Variants in BRD3 observed in about 807,000 individuals in gnomAD.
BRD3 encodes the protein bromodomain containing 3.
A neutral mutation model predicts 66.8 loss-of-function variants in BRD3; 17 were observed. The ratio of observed to expected loss-of-function variants is 0.25; its 90% CI spans 0.17 to 0.38. The LOEUF (loss-of-function observed/expected upper bound fraction) is 0.38. BRD3 is among the 10% of genes least tolerant of loss of function. The pLI, the probability that BRD3 is intolerant of heterozygous loss-of-function variation, is 1.00. For missense variants in BRD3, 713 were observed against 956.1 expected (o/e 0.75, Z 3.35); for synonymous variants, 421 against 393.2 (o/e 1.07, Z -0.84).
At chr9:134,036,747 G>A (rs144007232) in intron 9 of BRD3, among the ~76,000 whole-genome samples, 3,950 of 152,136 alleles carry the variant, frequency 0.026, 57 homozygotes, top group Middle Eastern at 0.061. Context: ...GGTGGCTCAC[G>A]CCTGTAATCC....
chr9:134,034,802 T>C lies in BRD3; in HGVS notation c.1964A>G (p.Lys655Arg), dbSNP rs149702159. The C allele has an allele frequency of 2.3e-3, 3,735 of 1,612,390 alleles. 12 individuals are homozygous for C. Among genetic ancestry groups the C allele is most frequent in the Non-Finnish European group, 2.8e-3 (3,259 of 1,180,004 alleles). The change falls in exon 11 of 12, where the codon AAG becomes AGG. Residue 655 changes from lysine (K) to arginine (R), a missense_variant. Lys to Arg is a conservative substitution (Grantham distance 26). Transcript: ENST00000303407. ...TTCCTGAGCTAGCTCCTCTTTCGAC[T>C]TGGCTGCCTGTTTCTTCCCGCTTGC... ...FSASGKKQAA[K>R]SKEELAQEKK...
At chr9:134,062,374 G>T (rs1023355300) in intron 1 of BRD3, among the ~76,000 whole-genome samples, 12 of 152,138 alleles carry the variant, frequency 7.9e-5, no homozygotes, top group Non-Finnish European at 1.5e-4. Context: ...AGGTGCAGCT[G>T]CCAGCGCTGC....
intron 1 of BRD3, among the ~76,000 whole-genome samples, chr9:134,067,351 G>GC (rs1397543153): frequency 4.6e-5 from 7 of 151,324 alleles, no homozygotes; most frequent in Non-Finnish European, 1.0e-4. Context: ...GCCCGGCCTT[G>GC]CCCCCCGCCC....
At position 134,051,616 on chromosome 9, in the gene BRD3, G is replaced by C. The variant is rs202111048; in HGVS notation, c.445C>G (p.Pro149Ala). The change falls in exon 4 of 12, where the codon CCC becomes GCC. Residue 149 changes from proline to alanine, a missense_variant. This residue lies in a region of BRD3 where 120 missense variants were observed against 122.8 expected (regional missense o/e 0.98). Transcript: ENST00000303407. ...QMPQEEVELL[P>A]PAPKGKGRKP... ...CGACCTTTGCCCTTTGGAGCAGGGG[G>C]TAATAATTCAACTTCCTCTTGGGGC... The C allele has an allele frequency of 5.0e-6, 8 of 1,585,508 alleles. No individual in the cohort carries two copies. In the South Asian group the frequency reaches 8.2e-5, roughly 16 times the overall value.
intron 9 of BRD3, among the ~76,000 whole-genome samples, chr9:134,038,942 AAGG>A (rs1461323450): frequency 1.3e-5 from 2 of 152,186 alleles, no homozygotes; most frequent in African/African-American, 4.8e-5. Context: ...TGCCTCCAAA[AAGG>A]AGAGAGGGAG....
chr9:134,054,892 A>T (rs28582206), intron 1 of BRD3, among the ~76,000 whole-genome samples: 8,014 of 152,108 alleles, frequency 0.053, 622 homozygotes, highest in African/African-American at 0.17. Flanking sequence ...CACCCCAGAG[A>T]GGAAAGGGCT....
At position 134,031,640 on chromosome 9, in the gene BRD3, C is replaced by A. The variant is rs1398897239; in HGVS notation, c.*1950G>T. 3.3e-5 allele frequency: 7 copies of A among 214,050 alleles called. No individual in the cohort carries two copies. The highest frequency in any genetic ancestry group is 6.6e-5 in the Non-Finnish European group (7 of 106,070). 13.3% of individuals were successfully genotyped at this position (214,050 alleles called of 1,614,324 possible). On this transcript the variant is annotated 3_prime_UTR_variant, in exon 12 of 12. Coordinates refer to ENST00000303407, the MANE Select transcript of BRD3 (RefSeq NM_007371.4). ...CAGCAATTTAAAAAATGATAATTTA[C>A]CAGCATCTCCTCATCAGAGTTCCCT...
At chr9:134,058,381 G>A (rs1345537946) in intron 1 of BRD3, 1 of 152,290 alleles carries the variant, frequency 6.6e-6, no homozygotes, top group Non-Finnish European at 1.5e-5. Context: ...AGGTAACATT[G>A]GGAGTGTGGC....
At chr9:134,066,272 G>A (rs970324689) in intron 1 of BRD3, among the ~76,000 whole-genome samples, 1 of 152,154 alleles carries the variant, frequency 6.6e-6, no homozygotes, top group Non-Finnish European at 1.5e-5. Flanking sequence ...AGCCCGTCCT[G>A]TTACAGCGTG....
intron 11 of BRD3, among the ~76,000 whole-genome samples, chr9:134,034,181 C>G (rs544891886): frequency 1.3e-5 from 2 of 152,242 alleles, no homozygotes; most frequent in East Asian, 1.9e-4. Flanking sequence ...ACTGTCCCCC[C>G]CATATGTGTG....
At chr9:134,041,439 G>T (rs1437433811) in intron 8 of BRD3, among the ~76,000 whole-genome samples, 1 of 152,172 alleles carries the variant, frequency 6.6e-6, no homozygotes, top group African/African-American at 2.4e-5. Flanking sequence ...TGTGGCCTCT[G>T]CAAGTGCCTC....
chr9:134,036,567 A>G, intron 9 of BRD3: 1 of 1,611,098 alleles, frequency 6.2e-7, no homozygotes, highest in Non-Finnish European at 8.5e-7. Flanking sequence ...AGGCGTCTCA[A>G]ACTCCACAGG....
chr9:134,066,532 G>C (rs528134499), intron 1 of BRD3, among the ~76,000 whole-genome samples: 2 of 149,924 alleles, frequency 1.3e-5, no homozygotes, highest in East Asian at 3.9e-4. Flanking sequence ...TAGATTCCAG[G>C]ATCTCCCCAG....
chr9:134,052,501 T>G, intron 2 of BRD3, 58 bp from the exon 3 acceptor site: 1 of 1,555,302 alleles, frequency 6.4e-7, no homozygotes, highest in Non-Finnish European at 8.7e-7. Flanking sequence ...ATTTTCACAA[T>G]TCCCAAGTGG....
chr9:134,066,807 C>G (rs1479515111), intron 1 of BRD3, among the ~76,000 whole-genome samples: 1 of 152,176 alleles, frequency 6.6e-6, no homozygotes, highest in African/African-American at 2.4e-5. Context: ...GGGAGAAATC[C>G]CAGTATCTAT....
chr9:134,032,206 T>C lies in BRD3; in HGVS notation c.*1384A>G. 1 of 214,680 alleles carries C rather than the reference T, an allele frequency of 4.7e-6. No homozygotes were observed. The highest frequency in any genetic ancestry group is 2.3e-5 in the African/African-American group (1 of 44,296). 13.3% of individuals were successfully genotyped at this position (214,680 alleles called of 1,614,324 possible). A position where few individuals can be genotyped will look rare whatever the true frequency, so the allele number is the denominator to read the frequency against. On this transcript the variant is annotated 3_prime_UTR_variant, in exon 12 of 12. Coordinates refer to ENST00000303407, the MANE Select transcript of BRD3 (RefSeq NM_007371.4). ...CAAAACATCACCTTCTATTAAACTC[T>C]GTATATTATTATTTTTTACAATAGA...
chr9:134,058,246 T>G (rs1469543559), intron 1 of BRD3: 1 of 152,300 alleles, frequency 6.6e-6, no homozygotes, highest in Non-Finnish European at 1.5e-5. Context: ...TGGCTAGAAC[T>G]GGGTGTGACC....
chr9:134,051,760 T>C (rs752919684), intron 3 of BRD3, 51 bp from the exon 4 acceptor site: 2 of 1,556,240 alleles, frequency 1.3e-6, no homozygotes, highest in East Asian at 2.3e-5. Context: ...GCTGTGTGCT[T>C]GCAAAGGACA....
chr9:134,033,826 C>T lies in BRD3; in HGVS notation c.2066-121G>A. On this transcript the variant is annotated intron_variant, in intron 11 of 11. Transcript: ENST00000303407. The surrounding 1 kb of genome is among the most constrained non-coding windows in gnomAD (Gnocchi z 5.1). ...GTGCCACGACCCACCCACTTCCTGA[C>T]CCAGTCGTTTAATAAGTATTTATTG... 1 of 594,032 alleles carries T rather than the reference C, an allele frequency of 1.7e-6. No homozygotes were observed. The highest frequency in any genetic ancestry group is 2.0e-5 in the South Asian group (1 of 50,194). The allele number at this position is 594,032 out of a possible 1,614,324, so 36.8% of individuals were successfully genotyped here.
Sources: allele counts gnomAD v4.1 joint callset (sites outside exome capture counted in the v4.1 genomes callset), GRCh38; gene constraint gnomAD v4.1.1; regional missense constraint gnomAD v4.1.1; non-coding constraint Gnocchi (gnomAD v3.1); transcripts MANE v1.5; gene names NCBI Gene and HGNC (gene_info 2026-07-23, HGNC 2026-07-21).